Variants in OCRL observed in about 807,000 individuals in gnomAD.
OCRL encodes inositol polyphosphate 5-phosphatase OCRL.
Under a neutral mutation model 78.9 loss-of-function variants are expected in OCRL, and 8 were observed. That is an observed-to-expected ratio of 0.10 (90% CI 0.06 to 0.18). OCRL has a LOEUF of 0.18. OCRL is among the 10% of genes least tolerant of loss of function. The probability of loss-of-function intolerance (pLI) is 1.00; values close to 1 mark genes in which losing one functional copy is unlikely to be tolerated. For synonymous variants in OCRL, 240 were observed against 235.4 expected (o/e 1.02, Z -0.18); for missense variants, 454 against 696.7 (o/e 0.65, Z 3.92).
chrX:129,554,541 A>G (rs1936011326), intron 4 of OCRL: 1 of 112,047 alleles, frequency 8.9e-6, no homozygotes, highest in Non-Finnish European at 1.9e-5. Context: ...ATGAGCCTCA[A>G]AGGAGAAAGG....
At chrX:129,567,878 C>T (rs2124411282) in intron 14 of OCRL, among the ~76,000 whole-genome samples, 1 of 108,872 alleles carries the variant, frequency 9.2e-6, no homozygotes, top group South Asian at 4.0e-4. Context: ...CTGGAGAACA[C>T]TGAGAACCAC....
intron 15 of OCRL, among the ~76,000 whole-genome samples, chrX:129,573,812 G>A (rs1221123471): frequency 1.8e-5 from 2 of 111,463 alleles, no homozygotes; most frequent in Admixed American, 9.5e-5. Context: ...CTCCTGCCTC[G>A]GCCTCCCGCA....
chrX:129,581,838 T>C (rs1936445400), intron 18 of OCRL, among the ~76,000 whole-genome samples: 1 of 94,733 alleles, frequency 1.1e-5, no homozygotes, highest in Non-Finnish European at 2.0e-5. Context: ...TCTTTCTCTC[T>C]CTCTCTCTCT....
At chrX:129,549,019 G>A (rs951681963) in intron 4 of OCRL, among the ~76,000 whole-genome samples, 6 of 110,465 alleles carry the variant, frequency 5.4e-5, no homozygotes, top group Middle Eastern at 4.7e-3. Context: ...TAAATTTTGT[G>A]TGTTAAGTCA....
intron 18 of OCRL, among the ~76,000 whole-genome samples, chrX:129,582,170 C>G (rs1854186967): frequency 9.0e-6 from 1 of 110,838 alleles, no homozygotes; most frequent in South Asian, 3.8e-4. Flanking sequence ...TTGTTTATTT[C>G]TGCCTCTTCC....
chrX:129,578,303 T>G (rs902714561), intron 18 of OCRL, among the ~76,000 whole-genome samples: 1 of 111,410 alleles, frequency 9.0e-6, no homozygotes, highest in African/African-American at 3.2e-5. Flanking sequence ...TGGGTTCATA[T>G]AGTATTTGGT....
In OCRL at chrX:129,561,242, A is replaced by T; in HGVS notation, c.888A>T (p.Glu296Asp). The T allele has an allele frequency of 8.3e-7, 1 of 1,208,540 alleles. No homozygotes were observed. The highest frequency in any genetic ancestry group is 1.1e-6 in the Non-Finnish European group (1 of 892,479). Residue 296 changes from glutamate to aspartate, a missense_variant, in exon 10 of 24, where the codon GAA (glutamate) becomes GAT (aspartate). By Grantham distance (45) the Glu-to-Asp change is conservative. Coordinates refer to ENST00000371113, the MANE Select transcript of OCRL (RefSeq NM_000276.4). ...ACTTTGAATCTGTGAAGGAACAAGA[A>T]TGGTCCATGGCTGTAGAGAGAGGTT... is the stretch of plus-strand genomic sequence containing the variant. ...FFYFESVKEQ[E>D]WSMAVERGLH...
chrX:129,587,089 G>A lies in OCRL; in HGVS notation c.2227G>A (p.Asp743Asn). The A allele has an allele frequency of 2.5e-6, 3 of 1,199,342 alleles. No individual in the cohort carries two copies. The highest frequency in any genetic ancestry group is 3.4e-6 in the Non-Finnish European group (3 of 884,119). ...QVPKEIWLLV[D>N]HLFKYACHQE... is the part of the protein sequence containing the mutation. ...TCCCAAGGAGATCTGGCTTCTAGTA[G>A]ATCACCTATTCAAATACGCCTGTCA... is the stretch of plus-strand genomic sequence containing the variant. The change falls in exon 20 of 24, where the codon GAT (aspartate) becomes AAT (asparagine). Residue 743 changes from aspartate (D) to asparagine (N), a missense_variant. Physicochemically the swap from Asp to Asn is conservative, Grantham distance 23. Transcript: ENST00000371113.
In OCRL at chrX:129,562,810, C is replaced by T. The variant is rs771607624; in HGVS notation, c.1244+24C>T. The T allele has an allele frequency of 1.2e-5, 14 of 1,179,433 alleles. No homozygotes were observed. The South Asian group carries it at 2.5e-4, about 21-fold the overall frequency. On this transcript the variant is annotated intron_variant, in intron 12 of 23. Coordinates refer to ENST00000371113, the MANE Select transcript of OCRL (RefSeq NM_000276.4). ...GAGTAAGTGGTTAACTCACCTGTAG[C>T]CTTTGAGTAGTGGCTACAGGAGTTT...
At position 129,554,991 on chromosome X, in the gene OCRL, AT is replaced by A. The variant is rs1405771028; in HGVS notation, c.239-2333del. 1.4e-4 allele frequency among the ~76,000 whole-genome samples: 15 copies of A among 106,185 alleles called. No individual in the cohort carries two copies. The South Asian group carries it at 2.9e-3, about 20-fold the overall frequency. 92.2% of individuals were successfully genotyped at this position (106,185 alleles called of 115,157 possible). A position where few individuals can be genotyped will look rare whatever the true frequency, so the allele number is the denominator to read the frequency against. On this transcript the variant is annotated intron_variant, in intron 4 of 23. Transcript: ENST00000371113. ...AATAAATAAATAAATAAATAAATAA[AT>A]AAATAAATAAAAATAAGAGGGTTGT...
At chrX:129,575,059 C>A in intron 15 of OCRL, 81 bp from the exon 16 acceptor site, 3 of 667,921 alleles carry the variant, frequency 4.5e-6, no homozygotes, top group Non-Finnish European at 7.4e-6. Context: ...CTGTAATGAC[C>A]AGTTTTAAAT....
chrX:129,540,557 G>T, intron 1 of OCRL, 79 bp downstream of exon 1: 2 of 1,077,085 alleles, frequency 1.9e-6, no homozygotes, highest in Non-Finnish European at 2.5e-6. Flanking sequence ...AACACGGTGG[G>T]GCGGGGCAAC....
chrX:129,540,432 C>T lies in OCRL; in HGVS notation c.-8C>T, dbSNP rs1935772166. The T allele has an allele frequency of 8.7e-7, 1 of 1,155,668 alleles. No individual in the cohort carries two copies. The highest frequency in any genetic ancestry group is 3.3e-5 in the East Asian group (1 of 30,622). ...TCCGCTGTCCTGCTGAGCCCGGAGG[C>T]CGCCTGGATGGAGCCGCCGCTCCCG... On this transcript the variant is annotated 5_prime_UTR_variant, in exon 1 of 24. Coordinates refer to ENST00000371113, the MANE Select transcript of OCRL (RefSeq NM_000276.4).
intron 12 of OCRL, 89 bp from the exon 13 acceptor site, chrX:129,565,683 A>G (rs1261696226): frequency 2.9e-6 from 2 of 696,273 alleles, no homozygotes; most frequent in South Asian, 2.2e-5. Context: ...AGCCCTTATC[A>G]ATAATCTACC....
At chrX:129,565,208 G>T (rs896524860) in intron 12 of OCRL, among the ~76,000 whole-genome samples, 4 of 111,887 alleles carry the variant, frequency 3.6e-5, no homozygotes, top group African/African-American at 1.3e-4. Context: ...AGGGCCTGTT[G>T]CTGTTATTGG....
At chrX:129,542,065 T>C (rs112463009) in intron 2 of OCRL, among the ~76,000 whole-genome samples, 1,450 of 112,348 alleles carry the variant, frequency 0.013, 23 homozygotes, top group African/African-American at 0.044. Context: ...TAGAGTGGGT[T>C]ACAGAGAGGT....
intron 4 of OCRL, among the ~76,000 whole-genome samples, chrX:129,550,401 C>A (rs922449737): frequency 4.5e-5 from 5 of 111,865 alleles, no homozygotes; most frequent in African/African-American, 1.6e-4. Flanking sequence ...TTTTTAAAAA[C>A]CAAATATTTC....
At chrX:129,562,201 A>G (rs1421136925) in intron 10 of OCRL, among the ~76,000 whole-genome samples, 183 bp from the exon 11 acceptor site, 2 of 112,053 alleles carry the variant, frequency 1.8e-5, no homozygotes, top group Non-Finnish European at 3.8e-5. Context: ...GGTCAGTGCC[A>G]GATTAGAGCC....
chrX:129,584,235 T>C (rs1936481173), intron 18 of OCRL, 109 bp from the exon 19 acceptor site: 3 of 632,265 alleles, frequency 4.7e-6, no homozygotes, highest in Non-Finnish European at 8.0e-6. Context: ...TTAAAGCATG[T>C]ATATCTGGTA....
Sources: allele counts gnomAD v4.1 joint callset (sites outside exome capture counted in the v4.1 genomes callset), GRCh38; gene constraint gnomAD v4.1.1; transcripts MANE v1.5; gene names NCBI Gene and HGNC (gene_info 2026-07-23, HGNC 2026-07-21).